SLC24A2: variants seen among roughly 807,000 people sequenced by gnomAD.
SLC24A2 encodes the protein solute carrier family 24 member 2.
Under a neutral mutation model 62.0 loss-of-function variants are expected in SLC24A2, and 36 were observed. The observed-to-expected ratio is 0.58, with a 90% CI of 0.44 to 0.77. SLC24A2 has a LOEUF of 0.77. SLC24A2 is among the 30% of genes least tolerant of loss of function. SLC24A2 has a pLI of 0.00. For synonymous variants in SLC24A2, 358 were observed against 294.0 expected (o/e 1.22, Z -2.23); for missense variants, 846 against 817.9 (o/e 1.03, Z -0.42).
At chr9:19,827,724 T>C in the SLC24A2 span, among the ~76,000 whole-genome samples, 3 of 152,140 alleles carry the variant, frequency 2.0e-5, no homozygotes, top group African/African-American at 7.2e-5. Context: ...GGGAATAAGA[T>C]GATATTTTCT....
At chr9:20,049,988 C>G in the SLC24A2 span, among the ~76,000 whole-genome samples, 1 of 152,084 alleles carries the variant, frequency 6.6e-6, no homozygotes, top group East Asian at 1.9e-4. Context: ...TAGCAAGATA[C>G]TAGGACACAG....
chr9:19,799,569 C>T, the SLC24A2 span, among the ~76,000 whole-genome samples: 4 of 152,194 alleles, frequency 2.6e-5, no homozygotes, highest in Admixed American at 2.0e-4. Context: ...TTAAAATCAG[C>T]TTAAAACCAC....
At chr9:19,629,113 C>A (rs963988719) in intron 2 of SLC24A2, among the ~76,000 whole-genome samples, 1 of 152,146 alleles carries the variant, frequency 6.6e-6, no homozygotes, top group Non-Finnish European at 1.5e-5. Context: ...CCTTTCAACA[C>A]ATGAGGACCC....
chr9:20,207,065 G>A, the SLC24A2 span, among the ~76,000 whole-genome samples: 1 of 152,106 alleles, frequency 6.6e-6, no homozygotes, highest in Admixed American at 6.5e-5. Context: ...ACCATCTTCA[G>A]TACCTAGTAT....
the SLC24A2 span, among the ~76,000 whole-genome samples, chr9:20,078,298 C>T: frequency 2.6e-5 from 4 of 152,004 alleles, 1 homozygote; most frequent in South Asian, 4.2e-4. Context: ...TTCTTCCAGC[C>T]TCCCCACTTC....
the SLC24A2 span, among the ~76,000 whole-genome samples, chr9:20,265,213 C>A: frequency 6.6e-6 from 1 of 152,192 alleles, no homozygotes; most frequent in African/African-American, 2.4e-5. Flanking sequence ...GAGCAGCCGG[C>A]AGTGGGTGAA....
the SLC24A2 span, among the ~76,000 whole-genome samples, chr9:19,985,192 C>G: frequency 1.6e-4 from 24 of 152,076 alleles, no homozygotes; most frequent in Admixed American, 3.9e-4. Context: ...TTTTTTAAAA[C>G]AGTTAAACAT....
At chr9:19,780,858 G>C (rs1202471771) in intron 2 of SLC24A2, among the ~76,000 whole-genome samples, 3 of 127,808 alleles carry the variant, frequency 2.3e-5, no homozygotes, top group Middle Eastern at 5.2e-3. Context: ...GGGCGACAAA[G>C]CGAGACTCCG....
chr9:20,145,873 T>G, the SLC24A2 span, among the ~76,000 whole-genome samples: 1 of 151,908 alleles, frequency 6.6e-6, no homozygotes, highest in African/African-American at 2.4e-5. Flanking sequence ...GATTCTGCTA[T>G]ATATATAGAT....
At chr9:20,299,864 C>G in the SLC24A2 span, among the ~76,000 whole-genome samples, 11 of 152,248 alleles carry the variant, frequency 7.2e-5, no homozygotes, top group Non-Finnish European at 1.0e-4. Context: ...TTGCTCTTTT[C>G]ACTACATCAT....
the SLC24A2 span, among the ~76,000 whole-genome samples, chr9:19,857,246 A>G: frequency 4.6e-5 from 7 of 152,182 alleles, no homozygotes; most frequent in East Asian, 1.9e-4. Context: ...TTTGGCTTCC[A>G]TTATTACATC....
chr9:19,745,288 C>A (rs998565604), intron 2 of SLC24A2, among the ~76,000 whole-genome samples: 1 of 152,148 alleles, frequency 6.6e-6, no homozygotes, highest in African/African-American at 2.4e-5. Flanking sequence ...GCCAATTAAA[C>A]CTCTTTTCTT....
chr9:20,006,131 A>G, the SLC24A2 span, among the ~76,000 whole-genome samples: 2 of 151,654 alleles, frequency 1.3e-5, no homozygotes, highest in Non-Finnish European at 2.9e-5. Flanking sequence ...ATGTTAATTA[A>G]TCAAGAATAT....
the SLC24A2 span, among the ~76,000 whole-genome samples, chr9:20,036,844 A>G: frequency 6.6e-6 from 1 of 151,810 alleles, no homozygotes; most frequent in Non-Finnish European, 1.5e-5. Context: ...ATGTGTATAT[A>G]TATGTGTGTG....
chr9:19,633,427 G>A (rs1412387765), intron 2 of SLC24A2, among the ~76,000 whole-genome samples: 2 of 152,242 alleles, frequency 1.3e-5, no homozygotes, highest in Non-Finnish European at 2.9e-5. Flanking sequence ...ATGTGTGAGT[G>A]ATGAAGTGTT....
At chr9:19,830,155 G>A in the SLC24A2 span, among the ~76,000 whole-genome samples, 1 of 152,032 alleles carries the variant, frequency 6.6e-6, no homozygotes, top group Admixed American at 6.5e-5. Flanking sequence ...AGGCCTTGAG[G>A]CCACTTTGAG....
At chr9:20,077,948 G>C in the SLC24A2 span, among the ~76,000 whole-genome samples, 1 of 152,250 alleles carries the variant, frequency 6.6e-6, no homozygotes, top group East Asian at 1.9e-4. Flanking sequence ...AACTATATTA[G>C]AACTAGAGGT....
rs995734559 is a variant in SLC24A2, at chr9:19,599,384, G to C, written c.1079-2105C>G. ...AAAAATGAGTCTAATGATGGTGGAA[G>C]AGAAGGAAGAAGAGTAGTGAAAAGC... On this transcript the variant is annotated intron_variant, in intron 4 of 10. Transcript: ENST00000341998. The surrounding 1 kb of genome is among the most constrained non-coding windows in gnomAD (Gnocchi z 4.5). 5.3e-5 allele frequency among the ~76,000 whole-genome samples: 8 copies of C among 152,214 alleles called. No individual in the cohort carries two copies. The highest frequency in any genetic ancestry group is 1.9e-4 in the African/African-American group (8 of 41,460).
chr9:19,671,814 A>G (rs1819426881), intron 2 of SLC24A2, among the ~76,000 whole-genome samples: 1 of 120,026 alleles, frequency 8.3e-6, no homozygotes, highest in African/African-American at 4.4e-5. Flanking sequence ...TGAGACGAAC[A>G]TATGATTTTT....
Sources: gnomAD v4.1 joint callset for allele counts (sites outside exome capture counted in the v4.1 genomes callset) on GRCh38, gnomAD v4.1.1 for gene constraint, Gnocchi (gnomAD v3.1) non-coding constraint, MANE v1.5 for transcripts, NCBI Gene and HGNC (gene_info 2026-07-23, HGNC 2026-07-21) for gene names.